Variants in SDK2 observed in about 807,000 individuals in gnomAD.
SDK2 encodes sidekick cell adhesion molecule 2, also known as protein sidekick-2.
Under a neutral mutation model 253.9 loss-of-function variants are expected in SDK2, and 105 were observed. The ratio of observed to expected loss-of-function variants is 0.41; its 90% CI spans 0.35 to 0.49. SDK2 has a LOEUF of 0.49. Ranked by LOEUF, SDK2 falls within the 20% of genes least tolerant of loss-of-function variation. The probability of loss-of-function intolerance (pLI) is 0.06; values close to 1 mark genes in which losing one functional copy is unlikely to be tolerated. For synonymous variants in SDK2, 1,249 were observed against 1,234.9 expected (o/e 1.01, Z -0.24); for missense variants, 2,608 against 3,003.0 (o/e 0.87, Z 3.07).
At position 73,361,973 on chromosome 17, in the gene SDK2, A is replaced by G. The variant is rs752835465; in HGVS notation, c.5306-128T>C. 8.5e-6 allele frequency: 7 copies of G among 828,076 alleles called. No homozygotes were observed. Among genetic ancestry groups the G allele is most frequent in the Non-Finnish European group, 1.1e-5 (6 of 545,866 alleles). 51.3% of individuals were successfully genotyped at this position (828,076 alleles called of 1,614,324 possible). ...GGTAGGGGCCTCACTCCTTGAGGTC[A>G]GGCTGAAATGCACCCCCAGCCCACA... On this transcript the variant is annotated intron_variant, in intron 38 of 44. Transcript: ENST00000392650. This position sits in a 1 kb window ranked among gnomAD's most constrained non-coding sequence, Gnocchi z 4.1.
chr17:73,617,550 T>A (rs2046077099), intron 1 of SDK2, among the ~76,000 whole-genome samples: 1 of 151,148 alleles, frequency 6.6e-6, no homozygotes, highest in Admixed American at 6.6e-5. Flanking sequence ...TGCAGAGATC[T>A]CTCCCTGTCC....
intron 2 of SDK2, among the ~76,000 whole-genome samples, chr17:73,476,222 A>G (rs145066269): frequency 6.6e-6 from 1 of 152,360 alleles, no homozygotes; most frequent in Non-Finnish European, 1.5e-5. Context: ...GGTAAATTGA[A>G]ATAGTATATA....
At chr17:73,398,495 A>T in intron 22 of SDK2, 66 bp from the exon 23 acceptor site, 1 of 1,366,646 alleles carries the variant, frequency 7.3e-7, no homozygotes, top group Non-Finnish European at 1.0e-6. Context: ...TCCGAGCCCC[A>T]GTACAAGCCC....
chr17:73,380,130 G>A (rs1445990204), intron 34 of SDK2, among the ~76,000 whole-genome samples: 1 of 152,140 alleles, frequency 6.6e-6, no homozygotes. Flanking sequence ...CCCCGTAGCT[G>A]AAAGTTTCTC....
At chr17:73,394,922 AG>A (rs2062957604) in intron 25 of SDK2, among the ~76,000 whole-genome samples, 1 of 152,192 alleles carries the variant, frequency 6.6e-6, no homozygotes, top group African/African-American at 2.4e-5. Context: ...CTCCAGAGGC[AG>A]GGATACCCCC....
rs566884273 is a variant in SDK2 at position 73,597,217 on chromosome 17, C to T, written c.64+46808G>A. ...ACCGGGGCCTTGAAGGGTGGAGACT[C>T]TCCCTGGTGCTGGCTACCCAGCACC... is the stretch of plus-strand genomic sequence containing the variant. On this transcript the variant is annotated intron_variant, in intron 1 of 44. Transcript: ENST00000392650. Among the ~76,000 whole-genome samples the T allele has an allele frequency of 2.6e-5, 4 of 152,290 alleles. No individual in the cohort carries two copies. In the South Asian group the frequency reaches 8.3e-4, roughly 32 times the overall value.
At chr17:73,370,033 A>C (rs1486653002) in intron 36 of SDK2, among the ~76,000 whole-genome samples, 2 of 152,196 alleles carry the variant, frequency 1.3e-5, no homozygotes, top group Non-Finnish European at 2.9e-5. Flanking sequence ...AGCTGGGCCC[A>C]GCCACGTGCA....
intron 2 of SDK2, among the ~76,000 whole-genome samples, chr17:73,483,615 GTA>G (rs1322116082): frequency 3.2e-4 from 40 of 123,478 alleles, no homozygotes; most frequent in African/African-American, 1.1e-3. Flanking sequence ...GTATATATAT[GTA>G]TATATATGTA....
chr17:73,390,300 G>A lies in SDK2; in HGVS notation c.4179C>T (p.Thr1393=). ...WGEAAEALVV[T]TEKRDRPQPP... ...GTGGGCAGTCACCTCTCTTCTCGGT[G>A]GTCACCACCAAGGCCTCGGCAGCTT... is the stretch of plus-strand genomic sequence containing the variant. Residue 1393 remains threonine (T), a synonymous_variant, in exon 29 of 45, where the codon ACC becomes ACT. Transcript: ENST00000392650. The A allele has an allele frequency of 1.9e-6, 3 of 1,587,462 alleles. No homozygotes were observed. The highest frequency in any genetic ancestry group is 2.2e-5 in the South Asian group (2 of 88,952).
chr17:73,446,005 C>G (rs563547367), intron 5 of SDK2, among the ~76,000 whole-genome samples: 2 of 152,158 alleles, frequency 1.3e-5, no homozygotes, highest in South Asian at 2.1e-4. Context: ...CAAAGTCAGA[C>G]AAGAAGAGTA....
At chr17:73,355,462 G>A (rs375694422) in intron 40 of SDK2, among the ~76,000 whole-genome samples, 36 of 151,336 alleles carry the variant, frequency 2.4e-4, no homozygotes, top group Non-Finnish European at 4.9e-4. Flanking sequence ...CTTAGCCTCC[G>A]GAGTAGCTGG....
chr17:73,591,325 G>A (rs73998933), intron 1 of SDK2, among the ~76,000 whole-genome samples: 4,105 of 152,198 alleles, frequency 0.027, 185 homozygotes, highest in African/African-American at 0.093. Context: ...TGCTGGCGCC[G>A]GGTCTCTTCT....
Position 73,481,514 on chromosome 17 carries a change from C to G in SDK2, c.225-9296G>C, listed in dbSNP as rs1008761322. Among the ~76,000 whole-genome samples, 34 of 151,960 alleles carry G rather than the reference C, an allele frequency of 2.2e-4. No homozygotes were observed. The highest frequency in any genetic ancestry group is 8.0e-4 in the African/African-American group (33 of 41,360). ...GCAGATGGAGTAAAGAAGAGAGAGA[C>G]AGGGAGACAGAGAAACAGAGACAGA... On this transcript the variant is annotated intron_variant, in intron 2 of 44. Transcript: ENST00000392650. The surrounding 1 kb of genome is among the most constrained non-coding windows in gnomAD (Gnocchi z 4.5).
chr17:73,550,620 CG>C (rs1340259008), intron 1 of SDK2, among the ~76,000 whole-genome samples: 1 of 152,116 alleles, frequency 6.6e-6, no homozygotes, highest in Non-Finnish European at 1.5e-5. Context: ...TCCTGCCACA[CG>C]TCTCTTCCTG....
intron 40 of SDK2, among the ~76,000 whole-genome samples, chr17:73,355,174 A>ATATATATATATATATATATATATATTTTT: frequency 6.4e-5 from 3 of 47,234 alleles, no homozygotes; most frequent in Non-Finnish European, 1.0e-4. Context: ...ATATATATAT[A>ATATATATATATATATATATATATATTTTT]TTTTTTTTTT....
Position 73,358,148 on chromosome 17 carries a change from T to C in SDK2, c.5524A>G (p.Ile1842Val), listed in dbSNP as rs761159020. ...IIVRYSSAIA[I>V]HWSSGDPGKG... Reference sequence around the variant, plus strand: ...CCCGGGTCTCCGCTGGACCAGTGAATGGCGATGGCAGAGCTGTACCGCACG... The same window carrying C: ...CCCGGGTCTCCGCTGGACCAGTGAACGGCGATGGCAGAGCTGTACCGCACG... The change falls in exon 40 of 45, where the codon ATT (isoleucine) becomes GTT (valine). Residue 1842 changes from isoleucine to valine, a missense_variant. This residue lies in a region of SDK2 where 1,103 missense variants were observed against 1,143.9 expected (regional missense o/e 0.96). Transcript: ENST00000392650. 5.0e-6 allele frequency: 8 copies of C among 1,613,124 alleles called. No individual in the cohort carries two copies. The highest frequency in any genetic ancestry group is 1.7e-4 in the Middle Eastern group (1 of 6,042).
intron 2 of SDK2, among the ~76,000 whole-genome samples, chr17:73,482,481 G>A (rs966638452): frequency 2.6e-5 from 4 of 152,226 alleles, no homozygotes; most frequent in Admixed American, 6.5e-5. Flanking sequence ...CCCCCGCTTT[G>A]CCAGAAAAGC....
chr17:73,520,915 G>A (rs906641252), intron 1 of SDK2: 1 of 152,318 alleles, frequency 6.6e-6, no homozygotes, highest in Non-Finnish European at 1.5e-5. Flanking sequence ...GAGGGGAATG[G>A]GGAGTGACTG....
Position 73,395,101 on chromosome 17 carries a change from TAG to T in SDK2, c.3592+52_3592+53del, listed in dbSNP as rs948608750. On this transcript the variant is annotated intron_variant, in intron 25 of 44. Transcript: ENST00000392650. This position sits in a 1 kb window ranked among gnomAD's most constrained non-coding sequence, Gnocchi z 4.3. ...ACGCGCTTGGATGACCCTGAGGGCA[TAG>T]AGACCAAGGAGGGGACAGGCAGCAG... The T allele has an allele frequency of 2.9e-5, 41 of 1,431,220 alleles. No individual in the cohort carries two copies. The African/African-American group carries it at 5.3e-4, about 19-fold the overall frequency. 88.7% of individuals were successfully genotyped at this position (1,431,220 alleles called of 1,614,324 possible).
Sources: gnomAD v4.1 joint callset for allele counts (sites outside exome capture counted in the v4.1 genomes callset) on GRCh38, gnomAD v4.1.1 for gene constraint, gnomAD v4.1.1 regional missense constraint, Gnocchi (gnomAD v3.1) non-coding constraint, MANE v1.5 for transcripts, NCBI Gene and HGNC (gene_info 2026-07-23, HGNC 2026-07-21) for gene names.